The following SART1 variants were observed in gnomAD, a reference collection of about 807,000 sequenced individuals.
The protein encoded by SART1 is U4/U6.U5 tri-snRNP-associated protein 1.
In SART1, 28 loss-of-function variants were observed where a neutral mutation model predicts 105.0. The ratio of observed to expected loss-of-function variants is 0.27; its 90% CI spans 0.20 to 0.37. The LOEUF (loss-of-function observed/expected upper bound fraction) is 0.37, where lower values mean the gene tolerates loss of function less well. Ranked by LOEUF, SART1 falls within the 10% of genes least tolerant of loss-of-function variation. The probability of loss-of-function intolerance (pLI) is 1.00; values close to 1 mark genes in which losing one functional copy is unlikely to be tolerated. For synonymous variants in SART1, 472 were observed against 462.9 expected (o/e 1.02, Z -0.25); for missense variants, 894 against 1,106.5 (o/e 0.81, Z 2.72).
chr11:65,963,024 G>A (rs1299607002), intron 1 of SART1, among the ~76,000 whole-genome samples: 1 of 152,122 alleles, frequency 6.6e-6, no homozygotes, highest in African/African-American at 2.4e-5. Flanking sequence ...GGGTTGTCAA[G>A]GTTGATGGTA....
In SART1 at chr11:65,976,286, G is replaced by C. The variant is rs886763012; in HGVS notation, c.1573-109G>C. ...GATAGCAGCTGGGCCTGCATGGGCT[G>C]TGGGCGTGGCCTGTCTGGCTGCTGC... On this transcript the variant is annotated intron_variant, in intron 12 of 19. Coordinates refer to ENST00000312397, the MANE Select transcript of SART1 (RefSeq NM_005146.5). This position sits in a 1 kb window ranked among gnomAD's most constrained non-coding sequence, Gnocchi z 5.1. 19 of 1,170,100 alleles carry C rather than the reference G, an allele frequency of 1.6e-5. No homozygotes were observed. Among genetic ancestry groups the C allele is most frequent in the Non-Finnish European group, 2.2e-5 (19 of 856,868 alleles). The allele number at this position is 1,170,100 out of a possible 1,614,324, so 72.5% of individuals were successfully genotyped here.
chr11:65,973,161 A>G (rs957432174), intron 12 of SART1, among the ~76,000 whole-genome samples: 15 of 152,242 alleles, frequency 9.9e-5, no homozygotes, highest in East Asian at 1.9e-4. Context: ...GTGACAGAGC[A>G]AGACTCCGTC....
chr11:65,968,008 G>A (rs1252351772), intron 12 of SART1, among the ~76,000 whole-genome samples, 187 bp downstream of exon 12: 1 of 150,204 alleles, frequency 6.7e-6, no homozygotes, highest in Non-Finnish European at 1.5e-5. Flanking sequence ...GGAATGCAGT[G>A]GCGCAGCCTC....
chr11:65,977,812 A>G lies in SART1; in HGVS notation c.2085A>G (p.Thr695=). ...GGAGGGAGGAATACCGAGGCTTCAC[A>G]CAGGACTTCAAGGAGAAGGACGGCT... ...YSRREEYRGF[T]QDFKEKDGYK... Residue 695 remains threonine, a synonymous_variant, in exon 17 of 20, where the codon ACA becomes ACG. Coordinates refer to ENST00000312397, the MANE Select transcript of SART1 (RefSeq NM_005146.5). 1.9e-6 allele frequency: 3 copies of G among 1,613,986 alleles called. No individual in the cohort carries two copies. Among genetic ancestry groups the G allele is most frequent in the East Asian group, 2.2e-5 (1 of 44,796 alleles).
chr11:65,964,926 T>C, intron 3 of SART1, 166 bp from the exon 4 acceptor site: 1 of 842,072 alleles, frequency 1.2e-6, no homozygotes, highest in East Asian at 2.9e-5. Context: ...CTGCATGGGT[T>C]GGCCAGGAGT....
chr11:65,965,648 T>G (rs981820849), intron 5 of SART1, 54 bp from the exon 6 acceptor site: 1 of 1,565,856 alleles, frequency 6.4e-7, no homozygotes, highest in African/African-American at 1.4e-5. Context: ...CCTGAGTGTT[T>G]TCTGGTGATG....
In SART1 at chr11:65,976,327, G is replaced by C; in HGVS notation, c.1573-68G>C. On this transcript the variant is annotated intron_variant, in intron 12 of 19. Coordinates refer to ENST00000312397, the MANE Select transcript of SART1 (RefSeq NM_005146.5). The surrounding 1 kb of genome is among the most constrained non-coding windows in gnomAD (Gnocchi z 5.1). Reference sequence around the variant, plus strand: ...TGGCTGCTGCCAGGGAGGACCCTTAGGTTCCTGGGTCTCAATGGCATCACC... The same window carrying C: ...TGGCTGCTGCCAGGGAGGACCCTTACGTTCCTGGGTCTCAATGGCATCACC... 6.9e-7 allele frequency: 1 copy of C among 1,441,390 alleles called. No individual in the cohort carries two copies. Among genetic ancestry groups the C allele is most frequent in the Non-Finnish European group, 9.2e-7 (1 of 1,092,516 alleles). The allele number at this position is 1,441,390 out of a possible 1,614,324, so 89.3% of individuals were successfully genotyped here.
Position 65,966,435 on chromosome 11 carries a change from C to T in SART1, c.1067C>T (p.Thr356Met), listed in dbSNP as rs745755363. The change falls in exon 9 of 20, where the codon ACG becomes ATG. Residue 356 changes from threonine to methionine, a missense_variant. Physicochemically the swap from Thr to Met is moderately conservative, Grantham distance 81. Around this residue, in one of 2 missense-constraint regions of SART1, gnomAD observed 712 missense variants for 778.2 expected, o/e 0.91. Transcript: ENST00000312397. ...PHSFRLEQGG[T>M]ADGLRERELE... ...TCCTTCCGCTTGGAGCAGGGCGGCA[C>T]GGCTGATGGCCTGCGGGAGCGGGAG... 5.4e-5 allele frequency: 87 copies of T among 1,613,646 alleles called. 1 individual carries two copies. In the South Asian group the frequency reaches 5.7e-4, roughly 11 times the overall value.
rs1308198413 is a variant in SART1, at chr11:65,964,075, T to C, written c.315T>C (p.Ala105=). 2.5e-6 allele frequency: 4 copies of C among 1,611,800 alleles called. No homozygotes were observed. Among genetic ancestry groups the C allele is most frequent in the African/African-American group, 1.3e-5 (1 of 74,908 alleles). ...REKRDDGYEA[A]ASSKTSSGDA... is the part of the protein sequence containing the mutation. ...GAGCCATGCTTCTTCTTGTTCCAGCTGCCAGCTCCAAAACTAGCTCAGGCG... is the reference window on the plus strand; with the variant it reads ...GAGCCATGCTTCTTCTTGTTCCAGCCGCCAGCTCCAAAACTAGCTCAGGCG... The change falls in exon 2 of 20, where the codon GCT becomes GCC. Residue 105 remains alanine, a splice_region_variant and synonymous_variant. Transcript: ENST00000312397.
intron 1 of SART1, 134 bp from the exon 2 acceptor site, chr11:65,963,940 C>G (rs1258702921): frequency 1.4e-5 from 10 of 694,478 alleles, no homozygotes; most frequent in South Asian, 1.2e-4. Context: ...GTGGAAGAAG[C>G]TGCTGTTTTC....
rs1445080518 is a variant in SART1, at chr11:65,966,551, G to A, written c.1183G>A (p.Glu395Lys). The change falls in exon 9 of 20, where the codon GAG becomes AAG. Residue 395 changes from glutamate (E) to lysine (K), a missense_variant. By Grantham distance (56) the Glu-to-Lys change is moderately conservative. This residue lies in a region of SART1 where 712 missense variants were observed against 778.2 expected (regional missense o/e 0.91). Coordinates refer to ENST00000312397, the MANE Select transcript of SART1 (RefSeq NM_005146.5). ...GGCCTCCGAATACCTCACGCCTGAG[G>A]AGATGGTGAGCCCTCCCGTGCCTTA... is the stretch of plus-strand genomic sequence containing the variant. ...RLASEYLTPEEMVTFKKTKRR... is the reference protein window; with the variant it reads ...RLASEYLTPEKMVTFKKTKRR... 2.0e-6 allele frequency: 3 copies of A among 1,523,968 alleles called. No individual in the cohort carries two copies. The highest frequency in any genetic ancestry group is 2.6e-5 in the South Asian group (2 of 76,526). The allele number at this position is 1,523,968 out of a possible 1,614,324, so 94.4% of individuals were successfully genotyped here.
In SART1 at chr11:65,976,952, A is replaced by C; in HGVS notation, c.1858-62A>C. The C allele has an allele frequency of 7.3e-7, 1 of 1,377,232 alleles. No individual in the cohort carries two copies. The highest frequency in any genetic ancestry group is 1.0e-6 in the Non-Finnish European group (1 of 965,836). 85.3% of individuals were successfully genotyped at this position (1,377,232 alleles called of 1,614,324 possible). On this transcript the variant is annotated intron_variant, in intron 14 of 19. Coordinates refer to ENST00000312397, the MANE Select transcript of SART1 (RefSeq NM_005146.5). The surrounding 1 kb of genome is among the most constrained non-coding windows in gnomAD (Gnocchi z 5.1). ...GGCTGGTGCCTGGCAGGTGGTGACCAGTGGGTGGGGCTGAGAAGAGCCGGT... is the reference window on the plus strand; with the variant it reads ...GGCTGGTGCCTGGCAGGTGGTGACCCGTGGGTGGGGCTGAGAAGAGCCGGT...
In SART1 at chr11:65,967,766, G is replaced by A; in HGVS notation, c.1517G>A (p.Gly506Glu). Residue 506 changes from glycine to glutamate, a missense_variant, in exon 12 of 20, where the codon GGA (glycine) becomes GAA (glutamate). Around this residue, in one of 2 missense-constraint regions of SART1, gnomAD observed 712 missense variants for 778.2 expected, o/e 0.91. Transcript: ENST00000312397. The stretch of plus-strand genomic sequence containing the variant: ...GAGCTGCAGAAGCAGCTGGAGAAGG[G>A]ACGCCGGCTGCGACAGTTACAGCAG... Reference protein sequence around the residue: ...ELELQKQLEKGRRLRQLQQLQ... With the variant: ...ELELQKQLEKERRLRQLQQLQ... 6.4e-7 allele frequency: 1 copy of A among 1,550,686 alleles called. No individual in the cohort carries two copies.
At chr11:65,970,261 C>CT (rs1855345963) in intron 12 of SART1, among the ~76,000 whole-genome samples, 1 of 152,218 alleles carries the variant, frequency 6.6e-6, no homozygotes, top group African/African-American at 2.4e-5. Flanking sequence ...CGCATAGCCA[C>CT]ACTGCCCTAA....
At chr11:65,972,481 T>G (rs1214763875) in intron 12 of SART1, among the ~76,000 whole-genome samples, 2 of 152,312 alleles carry the variant, frequency 1.3e-5, no homozygotes, top group East Asian at 3.9e-4. Context: ...TATAACTTTT[T>G]GGTAGAAAAG....
chr11:65,966,224 G>T lies in SART1; in HGVS notation c.981+6G>T. 1 of 1,613,978 alleles carries T rather than the reference G, an allele frequency of 6.2e-7. No homozygotes were observed. The highest frequency in any genetic ancestry group is 8.5e-7 in the Non-Finnish European group (1 of 1,180,020). On this transcript the variant is annotated splice_donor_region_variant and intron_variant, in intron 8 of 19. Coordinates refer to ENST00000312397, the MANE Select transcript of SART1 (RefSeq NM_005146.5). ...GCGTGGACGACCTGGCGCAGGCACG[G>T]CCTGGGCAGGCTGGGTGGCGGGGGC...
Position 65,979,469 on chromosome 11 carries a change from T to G in SART1, c.*439T>G. On this transcript the variant is annotated 3_prime_UTR_variant, in exon 20 of 20. Transcript: ENST00000312397. ...CAGGTGCCACCTTCTGTCCTGGCTG[T>G]CCTGTGCCACCCTGGTCTGTGTCTA... The G allele has an allele frequency of 4.4e-6, 1 of 226,210 alleles. No homozygotes were observed. The highest frequency in any genetic ancestry group is 6.7e-5 in the South Asian group (1 of 14,910). 14.0% of individuals were successfully genotyped at this position (226,210 alleles called of 1,614,324 possible). A position where few individuals can be genotyped will look rare whatever the true frequency, so the allele number is the denominator to read the frequency against.
rs886896437 is a variant in SART1 at position 65,976,078 on chromosome 11, T to C, written c.1573-317T>C. Among the ~76,000 whole-genome samples the C allele has an allele frequency of 6.6e-6, 1 of 151,766 alleles. No individual in the cohort carries two copies. Among genetic ancestry groups the C allele is most frequent in the Non-Finnish European group, 1.5e-5 (1 of 67,950 alleles). On this transcript the variant is annotated intron_variant, in intron 12 of 19. Transcript: ENST00000312397. The surrounding 1 kb of genome is among the most constrained non-coding windows in gnomAD (Gnocchi z 5.1). Reference sequence around the variant, plus strand: ...GAGGGGCAGGTGGCAGGAGGGAGCCTGGAGGAAGGAGTTTGAGGCTGAGGT... The same window carrying C: ...GAGGGGCAGGTGGCAGGAGGGAGCCCGGAGGAAGGAGTTTGAGGCTGAGGT...
chr11:65,979,515 T>C lies in SART1; in HGVS notation c.*485T>C, dbSNP rs188326606. 866 of 174,136 alleles carry C rather than the reference T, an allele frequency of 5.0e-3. 10 individuals carry two copies. Among genetic ancestry groups the C allele is most frequent in the African/African-American group, 0.018 (769 of 41,926 alleles). 10.8% of individuals were successfully genotyped at this position (174,136 alleles called of 1,614,324 possible). ...GTCTAGAGGAGTGAAACTCCCAGGG[T>C]TGGGCTGGGAGTATTTGGTGCACGC... On this transcript the variant is annotated 3_prime_UTR_variant, in exon 20 of 20. Coordinates refer to ENST00000312397, the MANE Select transcript of SART1 (RefSeq NM_005146.5).
Sources: allele counts gnomAD v4.1 joint callset (sites outside exome capture counted in the v4.1 genomes callset), GRCh38; gene constraint gnomAD v4.1.1; regional missense constraint gnomAD v4.1.1; non-coding constraint Gnocchi (gnomAD v3.1); transcripts MANE v1.5; gene names NCBI Gene and HGNC (gene_info 2026-07-23, HGNC 2026-07-21).